The following ENOX1 variants were observed in gnomAD, a reference collection of about 807,000 sequenced individuals.
ENOX1 encodes candidate growth-related and time keeping constitutive hydroquinone (NADH) oxidase.
In ENOX1, 42 loss-of-function variants were observed where a neutral mutation model predicts 82.5. The ratio of observed to expected loss-of-function variants is 0.51; its 90% CI spans 0.40 to 0.66. The LOEUF (loss-of-function observed/expected upper bound fraction) is 0.66. Ranked by LOEUF, ENOX1 falls within the 30% of genes least tolerant of loss-of-function variation. The pLI, the probability that ENOX1 is intolerant of heterozygous loss-of-function variation, is 0.00. For missense variants in ENOX1, 608 were observed against 811.6 expected (o/e 0.75, Z 3.05); for synonymous variants, 271 against 282.2 (o/e 0.96, Z 0.40).
At chr13:43,738,348 G>A (rs2089731505) in intron 1 of ENOX1, among the ~76,000 whole-genome samples, 1 of 152,132 alleles carries the variant, frequency 6.6e-6, no homozygotes, top group Admixed American at 6.5e-5. Context: ...GACGTTAAAT[G>A]AATAAAGAAA....
chr13:43,514,854 G>A (rs9533516), intron 2 of ENOX1, among the ~76,000 whole-genome samples: 23,529 of 50,070 alleles, frequency 0.47, 2,430 homozygotes, highest in East Asian at 0.66. Flanking sequence ...GGTTTCTATG[G>A]AGAAAAGCAG....
At chr13:43,498,291 T>A (rs2076862175) in intron 2 of ENOX1, among the ~76,000 whole-genome samples, 1 of 152,148 alleles carries the variant, frequency 6.6e-6, no homozygotes. Context: ...ACATTTTATA[T>A]GTGTTTCTGA....
At chr13:43,416,096 ATG>A (rs1594452739) in intron 3 of ENOX1, among the ~76,000 whole-genome samples, 732 of 29,916 alleles carry the variant, frequency 0.024, 6 homozygotes, top group Middle Eastern at 0.056. Flanking sequence ...GACGGGGCGG[ATG>A]GGCAGAGATG....
At position 43,785,762 on chromosome 13, in the gene ENOX1, C is replaced by G. The variant is rs544221270; in HGVS notation, c.-285+890G>C. On this transcript the variant is annotated intron_variant, in intron 1 of 16. Coordinates refer to ENST00000690772, the MANE Select transcript of ENOX1 (RefSeq NM_001347969.2). ...AACCACAACACTCCAGAACCACCCC[C>G]CTTCCGAAAGAGGGCGGGGTTACGC... is the stretch of plus-strand genomic sequence containing the variant. 2.6e-4 allele frequency among the ~76,000 whole-genome samples: 40 copies of G among 152,294 alleles called. No homozygotes were observed. In the South Asian group the frequency reaches 6.4e-3, roughly 24 times the overall value.
intron 2 of ENOX1, among the ~76,000 whole-genome samples, chr13:43,520,093 A>T (rs1436081230): frequency 2.0e-5 from 3 of 152,220 alleles, no homozygotes; most frequent in Non-Finnish European, 4.4e-5. Context: ...CTTAGCTCAT[A>T]GTAAATGCTT....
At chr13:43,305,938 G>A (rs2153514383) in intron 11 of ENOX1, among the ~76,000 whole-genome samples, 1 of 152,306 alleles carries the variant, frequency 6.6e-6, no homozygotes, top group African/African-American at 2.4e-5. Flanking sequence ...ACAGGGCAGG[G>A]AAGCAGAGCT....
At chr13:43,581,125 CTTTTTTTT>C (rs1174448355) in intron 2 of ENOX1, among the ~76,000 whole-genome samples, 4 of 77,098 alleles carry the variant, frequency 5.2e-5, no homozygotes, top group Admixed American at 2.0e-4. Flanking sequence ...CTACCTGATT[CTTTTTTTT>C]TTTTTTTTTT....
chr13:43,568,287 C>A (rs2080006464), intron 2 of ENOX1, among the ~76,000 whole-genome samples: 1 of 152,146 alleles, frequency 6.6e-6, no homozygotes, highest in South Asian at 2.1e-4. Context: ...ACCTCTTAAG[C>A]AGTTGACAGG....
chr13:43,748,029 A>C (rs539880932), intron 1 of ENOX1, among the ~76,000 whole-genome samples: 2 of 152,316 alleles, frequency 1.3e-5, no homozygotes, highest in Admixed American at 1.3e-4. Context: ...GTTATCTCAA[A>C]ATATTATCTG....
rs1555290143 is a variant in ENOX1 at position 43,470,377 on chromosome 13, C to CATATATATATGTATATATATGT, written c.-75+13631_-75+13632insACATATATATACATATATATAT. ...ATGTATATATATACGTATATATATA[C>CATATATATATGTATATATATGT]ATATATATACGTATATATATGTGTA... On this transcript the variant is annotated intron_variant, in intron 3 of 16. Transcript: ENST00000690772. Among the ~76,000 whole-genome samples the CATATATATATGTATATATATGT allele has an allele frequency of 2.6e-4, 7 of 27,036 alleles. 1 individual carries two copies. Among genetic ancestry groups the CATATATATATGTATATATATGT allele is most frequent in the South Asian group, 2.1e-3 (1 of 486 alleles). 17.7% of individuals were successfully genotyped at this position (27,036 alleles called of 152,430 possible).
chr13:43,236,888 G>T, intron 14 of ENOX1, 150 bp from the exon 15 acceptor site: 1 of 440,782 alleles, frequency 2.3e-6, no homozygotes, highest in Non-Finnish European at 3.9e-6. Flanking sequence ...TGATCTATTT[G>T]CCCAAGAGTA....
At chr13:43,353,908 C>T (rs2049972650) in intron 8 of ENOX1, among the ~76,000 whole-genome samples, 1 of 152,220 alleles carries the variant, frequency 6.6e-6, no homozygotes, top group African/African-American at 2.4e-5. Flanking sequence ...ATTGACATCC[C>T]AATCTGTTAT....
At chr13:43,739,983 T>C (rs1201277686) in intron 1 of ENOX1, among the ~76,000 whole-genome samples, 1 of 152,210 alleles carries the variant, frequency 6.6e-6, no homozygotes, top group Non-Finnish European at 1.5e-5. Context: ...ATTTTCTTAG[T>C]AACGTTTTCT....
At chr13:43,379,875 A>C (rs906270315) in intron 5 of ENOX1, among the ~76,000 whole-genome samples, 46 of 152,128 alleles carry the variant, frequency 3.0e-4, no homozygotes, top group African/African-American at 1.1e-3. Flanking sequence ...GAAGTTACTT[A>C]AAATCAATGA....
chr13:43,695,728 G>A (rs902114878), intron 1 of ENOX1, among the ~76,000 whole-genome samples: 8 of 152,116 alleles, frequency 5.3e-5, no homozygotes, highest in Admixed American at 2.6e-4. Context: ...GATTACAGGC[G>A]TGAGCCACCG....
chr13:43,571,666 G>A (rs2080186874), intron 2 of ENOX1, among the ~76,000 whole-genome samples: 1 of 152,018 alleles, frequency 6.6e-6, no homozygotes, highest in African/African-American at 2.4e-5. Context: ...CTCCAGCCTG[G>A]GCAACAAGAA....
chr13:43,574,795 T>A lies in ENOX1; in HGVS notation c.-218-90643A>T, dbSNP rs9525804. On this transcript the variant is annotated intron_variant, in intron 2 of 16. Transcript: ENST00000690772. Reference sequence around the variant, plus strand: ...CTTTATCTTAGTAGGACACTTTCCCTCTAGACTCTCTGTGTGGATATTTTC... The same window carrying A: ...CTTTATCTTAGTAGGACACTTTCCCACTAGACTCTCTGTGTGGATATTTTC... 3.9e-4 allele frequency among the ~76,000 whole-genome samples: 59 copies of A among 152,242 alleles called. No homozygotes were observed. The East Asian group carries it at 9.9e-3, about 25-fold the overall frequency.
chr13:43,583,540 A>G (rs1345887803), intron 2 of ENOX1, among the ~76,000 whole-genome samples: 2 of 152,098 alleles, frequency 1.3e-5, no homozygotes, highest in Admixed American at 6.6e-5. Flanking sequence ...TTTTGTATCT[A>G]TGTTTGGAAT....
At chr13:43,329,888 T>C (rs956879179) in intron 9 of ENOX1, among the ~76,000 whole-genome samples, 2 of 152,178 alleles carry the variant, frequency 1.3e-5, no homozygotes, top group Non-Finnish European at 2.9e-5. Flanking sequence ...TGAAAGTTCC[T>C]GGGCACACAC....
Sources: allele counts gnomAD v4.1 joint callset (sites outside exome capture counted in the v4.1 genomes callset), GRCh38; gene constraint gnomAD v4.1.1; transcripts MANE v1.5; gene names NCBI Gene and HGNC (gene_info 2026-07-23, HGNC 2026-07-21).